Variants in TNRC18 observed in about 807,000 individuals in gnomAD.
TNRC18 encodes trinucleotide repeat containing 18.
A neutral mutation model predicts 226.7 loss-of-function variants in TNRC18; 69 were observed. That is an observed-to-expected ratio of 0.30 (90% CI 0.25 to 0.37). The LOEUF (loss-of-function observed/expected upper bound fraction) is 0.37. Ranked by LOEUF, TNRC18 falls within the 10% of genes least tolerant of loss-of-function variation. The probability of loss-of-function intolerance (pLI) is 1.00; values close to 1 mark genes in which losing one functional copy is unlikely to be tolerated. For missense variants in TNRC18, 4,754 were observed against 4,256.6 expected, an observed-to-expected ratio of 1.12 and a Z score of -3.25; for synonymous variants, 2,449 against 1,927.6, an observed-to-expected ratio of 1.27 and a Z score of -7.09.
At position 5,351,927 on chromosome 7, in the gene TNRC18, G is replaced by C; in HGVS notation, c.5362C>G (p.Leu1788Val). ...CTGCTGGTGGCCGGCTTGGGTTTCA[G>C]AGTCCGGGGGGCCGCCAGGCCCCTC... ...TKRGLAAPRT[L>V]KPKPATSRKQ... Residue 1788 changes from leucine to valine, a missense_variant, in exon 17 of 30, where the codon CTG becomes GTG. Coordinates refer to ENST00000430969, the MANE Select transcript of TNRC18 (RefSeq NM_001080495.3). 6.2e-7 allele frequency: 1 copy of C among 1,613,786 alleles called. No individual in the cohort carries two copies. The highest frequency in any genetic ancestry group is 2.2e-5 in the East Asian group (1 of 44,876).
chr7:5,392,410 C>T (rs149951833), intron 3 of TNRC18, among the ~76,000 whole-genome samples: 1 of 152,018 alleles, frequency 6.6e-6, no homozygotes, highest in African/African-American at 2.4e-5. Flanking sequence ...TTGCAGTGAA[C>T]CGAGATCAGC....
Position 5,388,178 on chromosome 7 carries a change from T to G in TNRC18, c.1646A>C (p.Lys549Thr), listed in dbSNP as rs750925773. ...AAVVAASSSK[K>T]AYLDPGAVLP... ...CACAGCCCCAGGGTCCAGGTAGGCCTTCTTGGAGGAGGAGGCAGCGACCAC... is the reference window on the plus strand; with the variant it reads ...CACAGCCCCAGGGTCCAGGTAGGCCGTCTTGGAGGAGGAGGCAGCGACCAC... Residue 549 changes from lysine (K) to threonine (T), a missense_variant, in exon 5 of 30, where the codon AAG (lysine) becomes ACG (threonine). Lys to Thr is a moderately conservative substitution (Grantham distance 78, BLOSUM62 -1). Coordinates refer to ENST00000430969, the MANE Select transcript of TNRC18 (RefSeq NM_001080495.3). The G allele has an allele frequency of 1.9e-6, 3 of 1,583,736 alleles. No homozygotes were observed. In the South Asian group the frequency reaches 3.4e-5, roughly 18 times the overall value.
At position 5,370,617 on chromosome 7, in the gene TNRC18, G is replaced by C; in HGVS notation, c.3977C>G (p.Ala1326Gly). The C allele has an allele frequency of 6.2e-7, 1 of 1,613,258 alleles. No individual in the cohort carries two copies. The highest frequency in any genetic ancestry group is 1.3e-5 in the African/African-American group (1 of 75,068). Residue 1326 changes from alanine to glycine, a missense_variant, in exon 11 of 30, where the codon GCA becomes GGA. Transcript: ENST00000430969. ...VLGSTCFLEE[A>G]SSDQFLPSLE... is the part of the protein sequence containing the mutation. ...ACTGGGCAGGAACTGGTCAGAGCTT[G>C]CCTCTTCCAGGAAGCAGGTGCTGCC...
chr7:5,345,519 C>CCCCCCCCCCCCCCCCCCCCCCA, intron 18 of TNRC18, 43 bp downstream of exon 18: 2 of 174,076 alleles, frequency 1.1e-5, no homozygotes, highest in Non-Finnish European at 1.2e-5. Flanking sequence ...TGGCGTCCGC[C>CCCCCCCCCCCCCCCCCCCCCCA]CCTCCCACCC....
chr7:5,366,313 TA>T (rs1793613806), intron 11 of TNRC18, among the ~76,000 whole-genome samples: 2 of 131,442 alleles, frequency 1.5e-5, no homozygotes, highest in African/African-American at 3.0e-5. Context: ...TTGCTCTTCT[TA>T]TATCTTTTTT....
chr7:5,314,033 T>C (rs1416148106), intron 26 of TNRC18, among the ~76,000 whole-genome samples, 170 bp from the exon 27 acceptor site: 4 of 151,994 alleles, frequency 2.6e-5, no homozygotes, highest in Admixed American at 6.5e-5. Flanking sequence ...TCAGGGCTCA[T>C]TGCAGCCCTA....
At chr7:5,414,993 A>G (rs547867270) in intron 2 of TNRC18, among the ~76,000 whole-genome samples, 15 of 152,064 alleles carry the variant, frequency 9.9e-5, no homozygotes, top group Non-Finnish European at 2.1e-4. Flanking sequence ...TGCCATTGAC[A>G]TTTTTTTAAG....
intron 19 of TNRC18, among the ~76,000 whole-genome samples, chr7:5,327,754 CAT>C: frequency 6.6e-6 from 1 of 151,706 alleles, no homozygotes; most frequent in South Asian, 2.1e-4. Context: ...GTAAAAAAAA[CAT>C]AAAGTAAATA....
intron 10 of TNRC18, among the ~76,000 whole-genome samples, chr7:5,372,870 A>C (rs536525966): frequency 6.6e-6 from 1 of 152,258 alleles, no homozygotes; most frequent in Admixed American, 6.5e-5. Flanking sequence ...AATATAAAAA[A>C]TAAATTGGCC....
chr7:5,404,360 G>C (rs1218243325), intron 2 of TNRC18, among the ~76,000 whole-genome samples: 2 of 151,932 alleles, frequency 1.3e-5, no homozygotes, highest in African/African-American at 2.4e-5. Flanking sequence ...GACAGAGCAA[G>C]ACTCCGTCTT....
At chr7:5,330,607 T>C (rs1789425728) in intron 19 of TNRC18, among the ~76,000 whole-genome samples, 1 of 152,068 alleles carries the variant, frequency 6.6e-6, no homozygotes. Flanking sequence ...CACACAGTCC[T>C]GCATGGTAAG....
intron 5 of TNRC18, among the ~76,000 whole-genome samples, chr7:5,383,957 A>ATTTTTTTTTTTT (rs765430615): frequency 1.3e-5 from 1 of 78,794 alleles, no homozygotes; most frequent in Non-Finnish European, 2.2e-5. Flanking sequence ...TACCCGGGTG[A>ATTTTTTTTTTTT]TTTTTTTTTT....
At position 5,327,019 on chromosome 7, in the gene TNRC18, G is replaced by A. The variant is rs560064407; in HGVS notation, c.6148-1771C>T. ...CACGCCTGTAGTCCCAGCTACTCGG[G>A]AGGCTGAGGCAGGAGAATCGCTTGA... On this transcript the variant is annotated intron_variant, in intron 19 of 29. Transcript: ENST00000430969. 5.3e-4 allele frequency among the ~76,000 whole-genome samples: 81 copies of A among 152,002 alleles called. No homozygotes were observed. The South Asian group carries it at 6.6e-3, about 12-fold the overall frequency.
chr7:5,372,653 T>G (rs1794277681), intron 10 of TNRC18, among the ~76,000 whole-genome samples: 1 of 152,140 alleles, frequency 6.6e-6, no homozygotes, highest in Non-Finnish European at 1.5e-5. Context: ...AGATCAAGGC[T>G]GCAGTGAGCT....
intron 11 of TNRC18, among the ~76,000 whole-genome samples, chr7:5,364,217 A>G (rs1583924611): frequency 6.6e-6 from 1 of 152,042 alleles, no homozygotes; most frequent in Non-Finnish European, 1.5e-5. Context: ...AGAACTGCTT[A>G]AACTCAGGAG....
chr7:5,365,721 T>G (rs1018943894), intron 11 of TNRC18, among the ~76,000 whole-genome samples: 4 of 151,816 alleles, frequency 2.6e-5, no homozygotes, highest in African/African-American at 9.7e-5. Context: ...CCCAAAGTAC[T>G]GGGATTGCAG....
At chr7:5,366,028 T>C (rs570175822) in intron 11 of TNRC18, among the ~76,000 whole-genome samples, 22 of 152,004 alleles carry the variant, frequency 1.4e-4, no homozygotes, top group Non-Finnish European at 2.5e-4. Context: ...CCGAAAACCA[T>C]ATTCTCTATT....
Position 5,351,941 on chromosome 7 carries a change from G to T in TNRC18, c.5348C>A (p.Ala1783Glu). The T allele has an allele frequency of 6.2e-7, 1 of 1,613,696 alleles. No homozygotes were observed. Among genetic ancestry groups the T allele is most frequent in the Non-Finnish European group, 8.5e-7 (1 of 1,179,788 alleles). Reference protein sequence around the residue: ...GGPKLTKRGLAAPRTLKPKPA... With the variant: ...GGPKLTKRGLEAPRTLKPKPA... ...CTTGGGTTTCAGAGTCCGGGGGGCC[G>T]CCAGGCCCCTCTTGGTCAGCTTGGG... Residue 1783 changes from alanine (A) to glutamate (E), a missense_variant, in exon 17 of 30, where the codon GCG (alanine) becomes GAG (glutamate). Coordinates refer to ENST00000430969, the MANE Select transcript of TNRC18 (RefSeq NM_001080495.3).
intron 5 of TNRC18, among the ~76,000 whole-genome samples, chr7:5,384,298 G>T (rs1779604528): frequency 6.6e-6 from 1 of 152,020 alleles, no homozygotes; most frequent in Non-Finnish European, 1.5e-5. Flanking sequence ...ACAAGGTCTT[G>T]CTAGGTCGCC....
Sources: allele counts gnomAD v4.1 joint callset (sites outside exome capture counted in the v4.1 genomes callset), GRCh38; gene constraint gnomAD v4.1.1; transcripts MANE v1.5; gene names NCBI Gene and HGNC (gene_info 2026-07-23, HGNC 2026-07-21).